CHL1: variants seen among roughly 807,000 people sequenced by gnomAD.
CHL1 encodes neural cell adhesion molecule L1-like protein.
Under a neutral mutation model 141.9 loss-of-function variants are expected in CHL1, and 96 were observed. That is an observed-to-expected ratio of 0.68 (90% CI 0.57 to 0.80). CHL1 has a LOEUF of 0.80. CHL1 is among the 30% of genes least tolerant of loss of function. The pLI is 0.00. For missense variants in CHL1, 1,820 were observed against 1,457.2 expected, an observed-to-expected ratio of 1.25 and a Z score of -4.05; for synonymous variants, 613 against 502.2, an observed-to-expected ratio of 1.22 and a Z score of -2.95.
Position 360,234 on chromosome 3 carries a change from T to C in CHL1, c.1166-50T>C, listed in dbSNP as rs769791755. On this transcript the variant is annotated intron_variant, in intron 11 of 27. Transcript: ENST00000256509. ...ACACATTTAATAAATGGTGTATAAA[T>C]ATTTTATGTCCTGTTCCTTATCAAA... 5.0e-6 allele frequency: 8 copies of C among 1,597,904 alleles called. No individual in the cohort carries two copies. In the South Asian group the frequency reaches 8.9e-5, roughly 18 times the overall value.
intron 2 of CHL1, among the ~76,000 whole-genome samples, chr3:267,290 A>T (rs192792841): frequency 2.0e-5 from 3 of 152,286 alleles, no homozygotes; most frequent in African/African-American, 4.8e-5. Flanking sequence ...TTCCCTGGTG[A>T]CCTGTGGGCA....
chr3:250,853 C>G (rs1322909632), intron 2 of CHL1, among the ~76,000 whole-genome samples: 1 of 152,020 alleles, frequency 6.6e-6, no homozygotes, highest in South Asian at 2.1e-4. Flanking sequence ...TTCTAGTTGT[C>G]TAATTATAGG....
intron 2 of CHL1, among the ~76,000 whole-genome samples, chr3:298,620 C>T (rs1159407249): frequency 6.6e-6 from 1 of 152,108 alleles, no homozygotes; most frequent in Non-Finnish European, 1.5e-5. Flanking sequence ...CTCTAAATGC[C>T]ATTAACTTGC....
At chr3:276,582 A>G (rs1696122086) in intron 2 of CHL1, among the ~76,000 whole-genome samples, 1 of 152,146 alleles carries the variant, frequency 6.6e-6, no homozygotes, top group African/African-American at 2.4e-5. Context: ...GCAGCATGGC[A>G]TGGAGTTCAA....
chr3:386,859 T>C (rs1413607559), intron 19 of CHL1, among the ~76,000 whole-genome samples: 6 of 152,172 alleles, frequency 3.9e-5, no homozygotes, highest in Non-Finnish European at 7.4e-5. Flanking sequence ...TAACAATGTA[T>C]TGTATTCTTG....
chr3:242,587 C>T (rs1247675779), intron 1 of CHL1, among the ~76,000 whole-genome samples: 3 of 143,418 alleles, frequency 2.1e-5, no homozygotes, highest in Non-Finnish European at 4.6e-5. Flanking sequence ...CAGAGTGGGA[C>T]TCCATCTCAA....
In CHL1 at chr3:382,618, T is replaced by C; in HGVS notation, c.2123T>C (p.Val708Ala). 2 of 1,613,768 alleles carry C rather than the reference T, an allele frequency of 1.2e-6. No homozygotes were observed. Among genetic ancestry groups the C allele is most frequent in the Non-Finnish European group, 1.7e-6 (2 of 1,179,868 alleles). Residue 708 changes from valine (V) to alanine (A), a missense_variant, in exon 18 of 28, where the codon GTA (valine) becomes GCA (alanine). Coordinates refer to ENST00000256509, the MANE Select transcript of CHL1 (RefSeq NM_006614.4). ...TTCAGGGTCATAGCCGTGAACGAAG[T>C]AGGGAGAAGTCAGCCTAGCCAGCCG... ...YQFRVIAVNEVGRSQPSQPSD... is the reference protein window; with the variant it reads ...YQFRVIAVNEAGRSQPSQPSD...
intron 3 of CHL1, among the ~76,000 whole-genome samples, chr3:323,255 A>G (rs1398713007): frequency 6.6e-6 from 1 of 152,120 alleles, no homozygotes; most frequent in Non-Finnish European, 1.5e-5. Flanking sequence ...AGTGTTCAAG[A>G]AAACATTAGA....
intron 5 of CHL1, 102 bp downstream of exon 5, chr3:328,456 C>A (rs1466435724): frequency 9.5e-6 from 9 of 946,880 alleles, no homozygotes; most frequent in Admixed American, 2.8e-5. Flanking sequence ...TTAACTAAAT[C>A]AACTTATATG....
chr3:377,881 C>T lies in CHL1; in HGVS notation c.1815C>T (p.Tyr605=). The part of the protein sequence containing the change: ...SNVTLEDQGI[Y]CCSAHTALDS... ...TAACTTTAGAGGACCAAGGTATTTA[C>T]TGCTGTTCAGCTCATACTGCTCTAG... Residue 605 remains tyrosine (Y), a synonymous_variant, in exon 16 of 28, where the codon TAC becomes TAT. Coordinates refer to ENST00000256509, the MANE Select transcript of CHL1 (RefSeq NM_006614.4). The T allele has an allele frequency of 6.2e-7, 1 of 1,612,502 alleles. No individual in the cohort carries two copies. Among genetic ancestry groups the T allele is most frequent in the East Asian group, 2.2e-5 (1 of 44,832 alleles).
At chr3:307,463 G>A (rs1699343521) in intron 2 of CHL1, among the ~76,000 whole-genome samples, 1 of 152,190 alleles carries the variant, frequency 6.6e-6, no homozygotes, top group African/African-American at 2.4e-5. Flanking sequence ...TATTCTAGCT[G>A]CAGGATTCAG....
At chr3:253,695 A>G (rs773541276) in intron 2 of CHL1, among the ~76,000 whole-genome samples, 14 of 152,134 alleles carry the variant, frequency 9.2e-5, no homozygotes, top group Non-Finnish European at 1.5e-4. Flanking sequence ...GTTTCTCCCA[A>G]TTACTAAAAT....
intron 22 of CHL1, 147 bp downstream of exon 22, chr3:391,306 A>C (rs1010074901): frequency 1.5e-6 from 1 of 659,492 alleles, no homozygotes; most frequent in African/African-American, 1.8e-5. Flanking sequence ...ACTTGAAGTC[A>C]GGAGTTCCAA....
chr3:348,264 G>T (rs1202834288), intron 9 of CHL1, among the ~76,000 whole-genome samples: 1 of 152,130 alleles, frequency 6.6e-6, no homozygotes, highest in South Asian at 2.1e-4. Flanking sequence ...TGGAGCTTCA[G>T]ACTCCTTACT....
chr3:230,632 T>G (rs1009769275), intron 1 of CHL1, among the ~76,000 whole-genome samples: 4 of 152,172 alleles, frequency 2.6e-5, no homozygotes, highest in Admixed American at 6.5e-5. Context: ...AGTAATTTAG[T>G]CTGTAAATTA....
intron 5 of CHL1, among the ~76,000 whole-genome samples, chr3:328,617 G>A (rs922530564): frequency 1.3e-5 from 2 of 152,154 alleles, no homozygotes; most frequent in African/African-American, 4.8e-5. Context: ...TATAAGATGA[G>A]AATTAAACAT....
intron 6 of CHL1, 93 bp from the exon 7 acceptor site, chr3:341,819 A>G: frequency 9.0e-7 from 1 of 1,105,904 alleles, no homozygotes; most frequent in Non-Finnish European, 1.2e-6. Flanking sequence ...AGGAAAAACC[A>G]AATGAAATAA....
intron 10 of CHL1, among the ~76,000 whole-genome samples, chr3:350,357 T>C (rs1176079822): frequency 6.6e-6 from 1 of 152,194 alleles, no homozygotes; most frequent in Admixed American, 6.5e-5. Context: ...CTATTTTCTG[T>C]GGATCCAATC....
chr3:221,871 G>A (rs1436997325), intron 1 of CHL1, among the ~76,000 whole-genome samples: 2 of 152,108 alleles, frequency 1.3e-5, no homozygotes, highest in East Asian at 1.9e-4. Context: ...TAAAAATATT[G>A]TATGTGTTCA....
Sources: allele counts gnomAD v4.1 joint callset (sites outside exome capture counted in the v4.1 genomes callset), GRCh38; gene constraint gnomAD v4.1.1; transcripts MANE v1.5; gene names NCBI Gene and HGNC (gene_info 2026-07-23, HGNC 2026-07-21).